The following SPOP variants were observed in gnomAD, a reference collection of about 807,000 sequenced individuals.
SPOP encodes speckle type BTB/POZ protein, also known as speckle-type POZ protein.
A neutral mutation model predicts 45.6 loss-of-function variants in SPOP; 11 were observed. That is an observed-to-expected ratio of 0.24 (90% confidence interval 0.15 to 0.40). The LOEUF is 0.40. SPOP is among the 10% of genes least tolerant of loss of function. The probability of loss-of-function intolerance (pLI) is 1.00; values close to 1 mark genes in which losing one functional copy is unlikely to be tolerated. For synonymous variants in SPOP, 166 were observed against 166.3 expected, an observed-to-expected ratio of 1.00 and a Z score of 0.01; for missense variants, 152 against 465.6, an observed-to-expected ratio of 0.33 and a Z score of 6.20.
chr17:49,662,168 C>T (rs1390055566), intron 1 of SPOP, among the ~76,000 whole-genome samples: 2 of 151,904 alleles, frequency 1.3e-5, no homozygotes, highest in Admixed American at 6.6e-5. Context: ...AAGGCAGGAC[C>T]TGCCCAAATG....
At chr17:49,651,500 G>C (rs1322319826) in intron 1 of SPOP, among the ~76,000 whole-genome samples, 1 of 152,082 alleles carries the variant, frequency 6.6e-6, no homozygotes, top group African/African-American at 2.4e-5. Flanking sequence ...TTTGTTCTTG[G>C]CTCCTGTAAC....
intron 5 of SPOP, among the ~76,000 whole-genome samples, chr17:49,614,663 C>T (rs1043045127): frequency 2.0e-5 from 3 of 151,922 alleles, no homozygotes; most frequent in Non-Finnish European, 4.4e-5. Flanking sequence ...TTGTGTAGGT[C>T]AAGAACAAGC....
intron 1 of SPOP, among the ~76,000 whole-genome samples, chr17:49,638,565 C>A (rs985179184): frequency 5.5e-5 from 8 of 144,584 alleles, no homozygotes; most frequent in Admixed American, 2.1e-4. Flanking sequence ...AACCTGGTGA[C>A]AGAGTGAGAC....
At chr17:49,648,653 G>A (rs1179534249) in intron 1 of SPOP, among the ~76,000 whole-genome samples, 1 of 152,086 alleles carries the variant, frequency 6.6e-6, no homozygotes, top group Non-Finnish European at 1.5e-5. Context: ...TAGACAATGG[G>A]GGCTCTCCTC....
At chr17:49,625,829 A>G (rs2143327163) in intron 1 of SPOP, among the ~76,000 whole-genome samples, 1 of 152,332 alleles carries the variant, frequency 6.6e-6, no homozygotes, top group South Asian at 2.1e-4. Context: ...TCATACTGGG[A>G]GAGGGAAGGA....
At chr17:49,645,170 A>G (rs988396531) in intron 1 of SPOP, among the ~76,000 whole-genome samples, 1 of 152,232 alleles carries the variant, frequency 6.6e-6, no homozygotes, top group Non-Finnish European at 1.5e-5. Context: ...TCATCTCACT[A>G]AGGAAAATCC....
chr17:49,626,511 A>T (rs1478656266), intron 1 of SPOP, among the ~76,000 whole-genome samples: 1 of 152,096 alleles, frequency 6.6e-6, no homozygotes, highest in Non-Finnish European at 1.5e-5. Context: ...CCTGGCCAAC[A>T]TGGCGAAACC....
intron 1 of SPOP, among the ~76,000 whole-genome samples, chr17:49,667,390 G>C (rs2073076771): frequency 6.6e-6 from 1 of 150,942 alleles, no homozygotes; most frequent in South Asian, 2.1e-4. Context: ...AGGAGTTCGA[G>C]ACCAGCCCGG....
At chr17:49,621,753 T>C (rs955256431) in intron 3 of SPOP, among the ~76,000 whole-genome samples, 193 bp downstream of exon 3, 1 of 152,340 alleles carries the variant, frequency 6.6e-6, no homozygotes. Context: ...GATATACTCA[T>C]TGAATTAGTT....
intron 8 of SPOP, among the ~76,000 whole-genome samples, chr17:49,606,298 C>T (rs1217647988): frequency 2.0e-5 from 3 of 151,888 alleles, no homozygotes; most frequent in Middle Eastern, 3.4e-3. Flanking sequence ...GGACTATGGG[C>T]GTGCACCATC....
At chr17:49,657,860 C>A (rs1018015192) in intron 1 of SPOP, among the ~76,000 whole-genome samples, 1 of 151,946 alleles carries the variant, frequency 6.6e-6, no homozygotes. Context: ...TGTCACCACA[C>A]CCAGCTAATT....
intron 1 of SPOP, among the ~76,000 whole-genome samples, chr17:49,624,331 G>GCGCGCA (rs71352523): frequency 1.3e-4 from 19 of 149,224 alleles, no homozygotes; most frequent in Non-Finnish European, 1.8e-4. Context: ...GCGCGCGCGC[G>GCGCGCA]CACACACACA....
intron 1 of SPOP, among the ~76,000 whole-genome samples, chr17:49,669,012 G>A (rs1179311369): frequency 6.6e-6 from 1 of 151,838 alleles, no homozygotes; most frequent in Non-Finnish European, 1.5e-5. Context: ...TCCTGACCTC[G>A]TGATCCGCCC....
chr17:49,677,293 A>G (rs935518467), intron 1 of SPOP, among the ~76,000 whole-genome samples: 2 of 152,234 alleles, frequency 1.3e-5, no homozygotes, highest in Non-Finnish European at 2.9e-5. Context: ...AAGTAATCCT[A>G]GAACTAGAAG....
chr17:49,604,220 A>G (rs897430979), intron 8 of SPOP, among the ~76,000 whole-genome samples: 2 of 152,238 alleles, frequency 1.3e-5, no homozygotes, highest in African/African-American at 4.8e-5. Context: ...CAGAGCTTGC[A>G]GTGAATATTT....
At chr17:49,645,517 G>A (rs1040595290) in intron 1 of SPOP, among the ~76,000 whole-genome samples, 4 of 151,452 alleles carry the variant, frequency 2.6e-5, no homozygotes, top group African/African-American at 4.9e-5. Flanking sequence ...GGCGGGTCTC[G>A]AACTCCTGAC....
intron 1 of SPOP, among the ~76,000 whole-genome samples, chr17:49,638,410 GA>G (rs1455522219): frequency 6.6e-6 from 1 of 152,086 alleles, no homozygotes; most frequent in Non-Finnish European, 1.5e-5. Context: ...CCAACATGGT[GA>G]AACCCCGTCT....
rs566522268 is a variant in SPOP at position 49,673,783 on chromosome 17, T to TA, written c.-67+4149_-67+4150insT. On this transcript the variant is annotated intron_variant, in intron 1 of 9. Transcript: ENST00000504102. Reference sequence around the variant, plus strand: ...CTCAGCATGGAACACAGTGTATTACTGTTCCAGTTCTGTTTTCTAATTGTT... The same window carrying TA: ...CTCAGCATGGAACACAGTGTATTACTAGTTCCAGTTCTGTTTTCTAATTGTT... 1.2e-3 allele frequency among the ~76,000 whole-genome samples: 186 copies of TA among 152,346 alleles called. 1 individual carries two copies. Among genetic ancestry groups the TA allele is most frequent in the Non-Finnish European group, 2.1e-3 (140 of 68,026 alleles).
intron 8 of SPOP, chr17:49,607,000 A>G (rs1567770425): frequency 5.2e-6 from 2 of 388,182 alleles, no homozygotes; most frequent in Non-Finnish European, 4.6e-6. Context: ...GAGGAGAGGT[A>G]GAAGTCAAAC....
Sources: gnomAD v4.1 joint callset for allele counts (sites outside exome capture counted in the v4.1 genomes callset) on GRCh38, gnomAD v4.1.1 for gene constraint, MANE v1.5 for transcripts, NCBI Gene and HGNC (gene_info 2026-07-23, HGNC 2026-07-21) for gene names.